The following GK variants were observed in gnomAD, a reference collection of about 807,000 sequenced individuals.
GK encodes the protein ATP:glycerol 3-phosphotransferase.
GK carries 9 observed loss-of-function variants against 56.4 expected under a neutral mutation model. That is an observed-to-expected ratio of 0.16 (90% confidence interval 0.10 to 0.28). GK has a LOEUF of 0.28. GK is among the 10% of genes least tolerant of loss of function. The pLI, the probability that GK is intolerant of heterozygous loss-of-function variation, is 1.00. For missense variants in GK, 161 were observed against 431.4 expected (o/e 0.37, Z 5.55); for synonymous variants, 104 against 144.1 (o/e 0.72, Z 1.99).
At chrX:30,689,642 A>T (rs1225876365) in intron 4 of GK, 1 of 320,302 alleles carries the variant, frequency 3.1e-6, no homozygotes, top group Non-Finnish European at 6.1e-6. Context: ...AGCTGAGAAG[A>T]GGGACTCTTG....
rs958932078 is a variant in GK, at chrX:30,724,168, A to T, written c.1569A>T (p.Gln523His). ...AGTCAATGGGTTGGGTTACAACTCA[A>T]TCTCCAGAAAGTGGTAAAAATGTTT... ...VMKSMGWVTT[Q>H]SPESGDPSIF... Residue 523 changes from glutamine (Q) to histidine (H), a missense_variant, in exon 19 of 21, where the codon CAA becomes CAT. Physicochemically the swap from Gln to His is conservative, Grantham distance 24. Coordinates refer to ENST00000427190, the MANE Select transcript of GK (RefSeq NM_001205019.2). The T allele has an allele frequency of 8.7e-7, 1 of 1,144,073 alleles. No homozygotes were observed. Among genetic ancestry groups the T allele is most frequent in the Non-Finnish European group, 1.2e-6 (1 of 835,487 alleles). 94.3% of individuals were successfully genotyped at this position (1,144,073 alleles called of 1,213,427 possible).
intron 1 of GK, among the ~76,000 whole-genome samples, chrX:30,660,842 C>G (rs1302149625): frequency 3.3e-5 from 3 of 89,576 alleles, no homozygotes; most frequent in Non-Finnish European, 6.3e-5. Flanking sequence ...GAGACGGAGT[C>G]TCGCTCTGTT....
At chrX:30,715,641 T>C (rs151210150) in intron 13 of GK, among the ~76,000 whole-genome samples, 2 of 112,331 alleles carry the variant, frequency 1.8e-5, no homozygotes, top group East Asian at 2.8e-4. Context: ...TTGGCTGCTA[T>C]ACTCTTTTCC....
At chrX:30,662,767 TTCTCTC>T (rs367573891) in intron 1 of GK, among the ~76,000 whole-genome samples, 15 of 75,136 alleles carry the variant, frequency 2.0e-4, no homozygotes, top group Non-Finnish European at 3.1e-4. Context: ...CCTTCCTTCC[TTCTCTC>T]TCTCTCTCTC....
chrX:30,683,361 A>C (rs1050090194), intron 4 of GK, among the ~76,000 whole-genome samples: 7 of 111,096 alleles, frequency 6.3e-5, no homozygotes, highest in Non-Finnish European at 3.8e-5. Flanking sequence ...CGGCCAGATG[A>C]GCAATATTTA....
intron 19 of GK, among the ~76,000 whole-genome samples, chrX:30,726,808 A>G (rs186248423): frequency 4.5e-5 from 5 of 111,497 alleles, no homozygotes; most frequent in African/African-American, 1.6e-4. Flanking sequence ...CTGTATCTTA[A>G]CCTATGGGAA....
At chrX:30,655,884 A>G (rs1245341595) in intron 1 of GK, among the ~76,000 whole-genome samples, 2 of 112,270 alleles carry the variant, frequency 1.8e-5, no homozygotes, top group Non-Finnish European at 3.8e-5. Flanking sequence ...TGAGCCTTCA[A>G]AAATTGGCTC....
Position 30,720,862 on chromosome X carries a change from A to T in GK, c.1368A>T (p.Ser456=), listed in dbSNP as rs2147263699. 1 of 1,212,096 alleles carries T rather than the reference A, an allele frequency of 8.3e-7. No individual in the cohort carries two copies. The highest frequency in any genetic ancestry group is 1.8e-5 in the South Asian group (1 of 57,006). Residue 456 remains serine, a synonymous_variant, in exon 18 of 21, where the codon TCA becomes TCT. Transcript: ENST00000427190. The part of the protein sequence containing the change: ...DILYIPVVKP[S]MPETTALGAA... ...ACTCTCTCTCCTCAGTGAAGCCCTC[A>T]ATGCCCGAAACCACTGCACTGGGTG...
intron 9 of GK, among the ~76,000 whole-genome samples, chrX:30,699,167 C>T (rs1935424483): frequency 1.0e-5 from 1 of 100,187 alleles, no homozygotes; most frequent in South Asian, 4.5e-4. Flanking sequence ...ACCCCTACTT[C>T]AGGGATTTTA....
chrX:30,697,316 ATCTGGAATTTATGATAAGAC>A (rs1442407660), intron 8 of GK, among the ~76,000 whole-genome samples: 1 of 111,952 alleles, frequency 8.9e-6, no homozygotes, highest in Non-Finnish European at 1.9e-5. Flanking sequence ...GAGCACAAAA[ATCTGGAATTTATGATAAGAC>A]TCAGGAATAA....
chrX:30,658,049 A>G (rs923940881), intron 1 of GK, among the ~76,000 whole-genome samples: 3 of 111,689 alleles, frequency 2.7e-5, no homozygotes, highest in African/African-American at 9.8e-5. Context: ...TTTTGTTTCA[A>G]CCGACAATAC....
chrX:30,694,153 GT>G (rs1935125546), intron 5 of GK, among the ~76,000 whole-genome samples: 1 of 111,773 alleles, frequency 8.9e-6, no homozygotes, highest in Non-Finnish European at 1.9e-5. Flanking sequence ...AGGATGTTGT[GT>G]CATTTAATTT....
At chrX:30,688,787 G>A (rs1934765316) in intron 4 of GK, among the ~76,000 whole-genome samples, 1 of 111,719 alleles carries the variant, frequency 9.0e-6, no homozygotes, top group Non-Finnish European at 1.9e-5. Context: ...CTCATTCCCA[G>A]AACTACTGTC....
chrX:30,673,595 C>T (rs1483480475), intron 3 of GK, among the ~76,000 whole-genome samples: 2 of 111,495 alleles, frequency 1.8e-5, no homozygotes, highest in South Asian at 3.7e-4. Flanking sequence ...GCAGAGAATC[C>T]TGGGAAGCTG....
chrX:30,700,383 T>C (rs1179975430), intron 9 of GK, 31 bp from the exon 10 acceptor site: 24 of 1,160,250 alleles, frequency 2.1e-5, no homozygotes, highest in Non-Finnish European at 2.7e-5. Context: ...ATTTTGTGAC[T>C]ATTCATAATC....
At chrX:30,678,852 ATTTTTTTT>A (rs58342528) in intron 4 of GK, among the ~76,000 whole-genome samples, 1 of 77,185 alleles carries the variant, frequency 1.3e-5, no homozygotes, top group Non-Finnish European at 2.5e-5. Flanking sequence ...ATGCCCAGCT[ATTTTTTTT>A]TTTTTTTTTT....
intron 11 of GK, among the ~76,000 whole-genome samples, chrX:30,705,084 T>C (rs1935926659): frequency 8.9e-6 from 1 of 112,601 alleles, no homozygotes; most frequent in Non-Finnish European, 1.9e-5. Flanking sequence ...TTGTAAGTTA[T>C]GGTAAGACCA....
chrX:30,662,895 T>C (rs1224613099), intron 1 of GK, among the ~76,000 whole-genome samples: 2 of 91,420 alleles, frequency 2.2e-5, no homozygotes, highest in African/African-American at 4.2e-5. Flanking sequence ...TTCTTTCTTT[T>C]CTTTCTTTCG....
intron 1 of GK, among the ~76,000 whole-genome samples, chrX:30,662,059 C>T (rs1283028935): frequency 2.7e-5 from 3 of 111,933 alleles, no homozygotes; most frequent in African/African-American, 9.8e-5. Context: ...AAAAAGTACT[C>T]TAGAACTTCA....
Sources: allele counts gnomAD v4.1 joint callset (sites outside exome capture counted in the v4.1 genomes callset), GRCh38; gene constraint gnomAD v4.1.1; transcripts MANE v1.5; gene names NCBI Gene and HGNC (gene_info 2026-07-23, HGNC 2026-07-21).